The following DAB2IP variants were observed in gnomAD, a reference collection of about 807,000 sequenced individuals.
The protein encoded by DAB2IP is disabled homolog 2-interacting protein.
DAB2IP carries 28 observed loss-of-function variants against 107.2 expected under a neutral mutation model. The ratio of observed to expected loss-of-function variants is 0.26; its 90% CI spans 0.19 to 0.36. The LOEUF (loss-of-function observed/expected upper bound fraction) is 0.36. Ranked by LOEUF, DAB2IP falls within the 10% of genes least tolerant of loss-of-function variation. DAB2IP has a pLI of 1.00. For missense variants in DAB2IP, 1,400 were observed against 1,644.7 expected, an observed-to-expected ratio of 0.85 and a Z score of 2.57; for synonymous variants, 755 against 706.4, an observed-to-expected ratio of 1.07 and a Z score of -1.09.
At chr9:121,781,407 C>A in intron 14 of DAB2IP, 57 bp from the exon 15 acceptor site, 2 of 1,562,366 alleles carry the variant, frequency 1.3e-6, no homozygotes, top group South Asian at 2.2e-5. Flanking sequence ...GTTCTCACAC[C>A]CTCCCCACCT....
intron 2 of DAB2IP, among the ~76,000 whole-genome samples, chr9:121,682,772 G>C (rs1828663319): frequency 1.3e-5 from 2 of 152,188 alleles, no homozygotes; most frequent in Non-Finnish European, 2.9e-5. Flanking sequence ...CCCGACCCAG[G>C]TTTCAGGCCC....
At position 121,764,879 on chromosome 9, in the gene DAB2IP, G is replaced by T. The variant is rs1252359561; in HGVS notation, c.1460+1000G>T. Among the ~76,000 whole-genome samples the T allele has an allele frequency of 2.6e-5, 4 of 152,212 alleles. No homozygotes were observed. The South Asian group carries it at 8.3e-4, about 31-fold the overall frequency. ...CCCATCAGGATAGGGTTGTGCCTGT[G>T]CCTAAAACATTTCCTGTGAATGCTG... On this transcript the variant is annotated intron_variant, in intron 8 of 15. Transcript: ENST00000408936.
intron 1 of DAB2IP, among the ~76,000 whole-genome samples, chr9:121,576,699 G>A (rs1028562788): frequency 6.6e-6 from 1 of 152,176 alleles, no homozygotes; most frequent in African/African-American, 2.4e-5. Flanking sequence ...GGCCTGTGTG[G>A]CAGGAGATGT....
intron 10 of DAB2IP, among the ~76,000 whole-genome samples, chr9:121,770,009 C>T (rs1042739432): frequency 2.0e-5 from 3 of 152,238 alleles, no homozygotes; most frequent in Non-Finnish European, 2.9e-5. Context: ...AATCCTCTGC[C>T]CCTTAAGTTC....
At chr9:121,664,302 A>G (rs1833329728) in intron 1 of DAB2IP, among the ~76,000 whole-genome samples, 1 of 152,210 alleles carries the variant, frequency 6.6e-6, no homozygotes, top group East Asian at 1.9e-4. Flanking sequence ...TTCAAGATCA[A>G]AGTACTTCTT....
At chr9:121,585,151 T>A (rs1830284994) in intron 1 of DAB2IP, among the ~76,000 whole-genome samples, 2 of 152,144 alleles carry the variant, frequency 1.3e-5, no homozygotes, top group Non-Finnish European at 2.9e-5. Context: ...CTTGGCCAAA[T>A]CAATGACCTC....
At position 121,782,639 on chromosome 9, in the gene DAB2IP, C is replaced by T. The variant is rs1835745640; in HGVS notation, c.*141C>T. ...CGAGCCTCCCCTCCCTGCCGCTGTC[C>T]AGGAGGCGGCCGCAGAGGGAGCCAC... On this transcript the variant is annotated 3_prime_UTR_variant, in exon 16 of 16. Coordinates refer to ENST00000408936, the Ensembl canonical transcript of DAB2IP. This position sits in a 1 kb window ranked among gnomAD's most constrained non-coding sequence, Gnocchi z 6.1. 6.8e-7 allele frequency: 1 copy of T among 1,479,348 alleles called. No homozygotes were observed. 91.6% of individuals were successfully genotyped at this position (1,479,348 alleles called of 1,614,324 possible). A position where few individuals can be genotyped will look rare whatever the true frequency, so the allele number is the denominator to read the frequency against.
At chr9:121,773,299 C>T (rs1253740585) in exon 12 of DAB2IP, 1 of 1,517,836 alleles carries the variant, frequency 6.6e-7, no homozygotes, top group Admixed American at 2.0e-5. Context: ...CCGCCCCCAC[C>T]CCCGCCGCCA....
At chr9:121,703,074 C>G (rs1326854363) in intron 3 of DAB2IP, among the ~76,000 whole-genome samples, 1 of 152,134 alleles carries the variant, frequency 6.6e-6, no homozygotes. Context: ...GGCGTTCCCA[C>G]ACCTGAAAGT....
chr9:121,741,729 G>A (rs1307314825), intron 3 of DAB2IP, among the ~76,000 whole-genome samples: 1 of 151,496 alleles, frequency 6.6e-6, no homozygotes, highest in East Asian at 1.9e-4. Flanking sequence ...TACCCAAGAG[G>A]CTAGTTTCCT....
chr9:121,658,053 T>C (rs1183077006), intron 1 of DAB2IP, among the ~76,000 whole-genome samples: 1 of 152,136 alleles, frequency 6.6e-6, no homozygotes. Context: ...TGAGCCCAGA[T>C]AGGGAAACTG....
intron 6 of DAB2IP, among the ~76,000 whole-genome samples, chr9:121,761,403 G>T (rs1474234654): frequency 6.6e-6 from 1 of 152,200 alleles, no homozygotes; most frequent in African/African-American, 2.4e-5. Flanking sequence ...TGGCTGAGGG[G>T]CACCCTGTGT....
upstream of DAB2IP, among the ~76,000 whole-genome samples, chr9:121,651,206 T>G (rs1359688048): frequency 6.6e-6 from 1 of 151,948 alleles, no homozygotes; most frequent in African/African-American, 2.4e-5. The surrounding 1 kb of genome is among the most constrained non-coding windows in gnomAD (Gnocchi z 5.1). Flanking sequence ...CACAGGGGAG[T>G]CTTTCAACCT....
rs184941848 is a variant in DAB2IP at position 121,772,008 on chromosome 9, A to T, written c.2079-599A>T. ...GTAGAATGAGGAGGAGGCCAGGGCA[A>T]GTGCAGCCCTCCCACCAAGTCATGC... On this transcript the variant is annotated intron_variant, in intron 11 of 15. Coordinates refer to ENST00000408936, the Ensembl canonical transcript of DAB2IP. This position sits in a 1 kb window ranked among gnomAD's most constrained non-coding sequence, Gnocchi z 4.7. Among the ~76,000 whole-genome samples the T allele has an allele frequency of 9.7e-4, 147 of 152,312 alleles. 8 individuals are homozygous for T. Among genetic ancestry groups the T allele is most frequent in the Non-Finnish European group, 5.4e-4 (37 of 68,032 alleles).
intron 1 of DAB2IP, among the ~76,000 whole-genome samples, chr9:121,612,269 C>T (rs370729600): frequency 4.6e-5 from 7 of 151,688 alleles, no homozygotes; most frequent in Non-Finnish European, 4.4e-5. Flanking sequence ...TGCAGCGAGC[C>T]GGAGCCGTGA....
intron 12 of DAB2IP, among the ~76,000 whole-genome samples, 193 bp downstream of exon 12, chr9:121,773,688 C>G (rs777106050): frequency 2.6e-4 from 39 of 152,198 alleles, no homozygotes; most frequent in Non-Finnish European, 5.4e-4. Flanking sequence ...ACCAGGGACA[C>G]TGTAGCCTTG....
intron 3 of DAB2IP, among the ~76,000 whole-genome samples, chr9:121,727,922 A>G (rs1371285675): frequency 6.6e-6 from 1 of 152,022 alleles, no homozygotes; most frequent in Non-Finnish European, 1.5e-5. Flanking sequence ...GCCACCACCC[A>G]TCATCCTTTG....
rs1031103271 is a variant in DAB2IP, at chr9:121,701,338, C to T, written c.362+1880C>T. On this transcript the variant is annotated intron_variant, in intron 3 of 15. Transcript: ENST00000408936. The surrounding 1 kb of genome is among the most constrained non-coding windows in gnomAD (Gnocchi z 4.7). ...AGACGACCTCGTGCGGGTCCTGCCC[C>T]ACTTGGCCTCAGGTCAGCCTTGCCA... Among the ~76,000 whole-genome samples, 1 of 152,230 alleles carries T rather than the reference C, an allele frequency of 6.6e-6. No homozygotes were observed. Among genetic ancestry groups the T allele is most frequent in the Non-Finnish European group, 1.5e-5 (1 of 68,044 alleles).
At chr9:121,777,278 T>G (rs1835272934) in intron 14 of DAB2IP, among the ~76,000 whole-genome samples, 1 of 152,246 alleles carries the variant, frequency 6.6e-6, no homozygotes, top group African/African-American at 2.4e-5. Flanking sequence ...CTCCATGTTT[T>G]GTCTATGACA....
Sources: allele counts gnomAD v4.1 joint callset (sites outside exome capture counted in the v4.1 genomes callset), GRCh38; gene constraint gnomAD v4.1.1; non-coding constraint Gnocchi (gnomAD v3.1); transcripts MANE v1.5; gene names NCBI Gene and HGNC (gene_info 2026-07-23, HGNC 2026-07-21).